CNTN4: variants seen among roughly 807,000 people sequenced by gnomAD.
The protein encoded by CNTN4 is contactin-4.
CNTN4 carries 77 observed loss-of-function variants against 122.5 expected under a neutral mutation model. The ratio of observed to expected loss-of-function variants is 0.63; its 90% CI spans 0.52 to 0.76. CNTN4 has a LOEUF of 0.76. CNTN4 is among the 30% of genes least tolerant of loss of function. The pLI, the probability that CNTN4 is intolerant of heterozygous loss-of-function variation, is 0.00. For missense variants in CNTN4, 1,256 were observed against 1,259.1 expected (o/e 1.00, Z 0.04); for synonymous variants, 512 against 447.0 (o/e 1.15, Z -1.83).
At chr3:2,344,773 C>CA (rs528649944) in intron 3 of CNTN4, among the ~76,000 whole-genome samples, 33 of 152,154 alleles carry the variant, frequency 2.2e-4, no homozygotes, top group African/African-American at 7.0e-4. Context: ...ACTGTGGTTC[C>CA]AGTTAGGAAA....
chr3:2,886,534 C>G (rs1349724363), intron 9 of CNTN4, among the ~76,000 whole-genome samples: 4 of 114,640 alleles, frequency 3.5e-5, no homozygotes, highest in Admixed American at 1.0e-4. Flanking sequence ...TTTTTTGAGA[C>G]AAAGTCTCGC....
At chr3:2,139,294 A>G (rs2034868133) in intron 2 of CNTN4, among the ~76,000 whole-genome samples, 1 of 152,228 alleles carries the variant, frequency 6.6e-6, no homozygotes, top group East Asian at 1.9e-4. Flanking sequence ...TACTAACGTA[A>G]TTTGAAAAAC....
chr3:3,034,495 C>A, intron 16 of CNTN4, 137 bp from the exon 17 acceptor site: 1 of 959,162 alleles, frequency 1.0e-6, no homozygotes, highest in Non-Finnish European at 1.6e-6. Flanking sequence ...AGTAGGAGTT[C>A]AAAAAGGATT....
chr3:3,023,122 A>C (rs546632270), intron 14 of CNTN4, among the ~76,000 whole-genome samples: 1 of 152,322 alleles, frequency 6.6e-6, no homozygotes, highest in African/African-American at 2.4e-5. Flanking sequence ...CAAGTAAAAA[A>C]CATCAAAATT....
At chr3:2,659,848 A>G (rs2083790335) in intron 4 of CNTN4, among the ~76,000 whole-genome samples, 2 of 152,202 alleles carry the variant, frequency 1.3e-5, no homozygotes, top group South Asian at 4.1e-4. Flanking sequence ...TTTGAGAGAC[A>G]TTTTAAACCC....
At chr3:3,038,723 A>T (rs922206506) in intron 18 of CNTN4, among the ~76,000 whole-genome samples, 30 of 152,124 alleles carry the variant, frequency 2.0e-4, no homozygotes, top group African/African-American at 7.2e-4. Flanking sequence ...GTTGAATGGG[A>T]AACAGGTAAT....
chr3:2,965,240 G>A (rs1046115983), intron 13 of CNTN4, among the ~76,000 whole-genome samples: 4 of 152,052 alleles, frequency 2.6e-5, no homozygotes, highest in East Asian at 1.9e-4. Flanking sequence ...CAAATTTCAC[G>A]CTATCCAATC....
intron 3 of CNTN4, among the ~76,000 whole-genome samples, chr3:2,367,700 G>C (rs983629028): frequency 6.6e-6 from 1 of 152,126 alleles, no homozygotes; most frequent in Non-Finnish European, 1.5e-5. Context: ...GACCAGGCTG[G>C]TCTCGAACTC....
intron 2 of CNTN4, among the ~76,000 whole-genome samples, chr3:2,233,625 G>T (rs1280430645): frequency 6.6e-6 from 1 of 151,994 alleles, no homozygotes; most frequent in South Asian, 2.1e-4. Flanking sequence ...CCGTTTTCTT[G>T]GTGCTAATTT....
chr3:2,978,703 G>A (rs1473410970), intron 13 of CNTN4, among the ~76,000 whole-genome samples: 1 of 152,116 alleles, frequency 6.6e-6, no homozygotes, highest in Non-Finnish European at 1.5e-5. Flanking sequence ...TGTGATGTAC[G>A]TGAGACCTTT....
intron 2 of CNTN4, among the ~76,000 whole-genome samples, chr3:2,182,485 A>C (rs1019032548): frequency 2.0e-5 from 3 of 152,238 alleles, no homozygotes; most frequent in Non-Finnish European, 4.4e-5. Flanking sequence ...TCATCTTTTC[A>C]TTAATAAATA....
intron 3 of CNTN4, among the ~76,000 whole-genome samples, chr3:2,556,260 A>G (rs1480222950): frequency 6.6e-6 from 1 of 152,232 alleles, no homozygotes; most frequent in Admixed American, 6.5e-5. Flanking sequence ...GACAACAGCA[A>G]TTAACCAAGA....
chr3:2,849,670 G>A (rs2093514470), intron 7 of CNTN4, among the ~76,000 whole-genome samples: 1 of 152,182 alleles, frequency 6.6e-6, no homozygotes, highest in Non-Finnish European at 1.5e-5. Flanking sequence ...ATACAATAAG[G>A]TTGGGATTGA....
chr3:2,170,251 C>G (rs946009655), intron 2 of CNTN4, among the ~76,000 whole-genome samples: 1 of 151,794 alleles, frequency 6.6e-6, no homozygotes, highest in Non-Finnish European at 1.5e-5. Flanking sequence ...ACCCGGGAGG[C>G]GGAGCTTGCA....
At chr3:2,767,382 C>G (rs2090908345) in intron 6 of CNTN4, among the ~76,000 whole-genome samples, 1 of 152,154 alleles carries the variant, frequency 6.6e-6, no homozygotes, top group Non-Finnish European at 1.5e-5. Flanking sequence ...ACAGCTCTCT[C>G]TCTCCTCTTA....
chr3:2,455,545 G>A (rs2048968161), intron 3 of CNTN4, among the ~76,000 whole-genome samples: 2 of 151,926 alleles, frequency 1.3e-5, no homozygotes, highest in South Asian at 4.2e-4. Flanking sequence ...TCTCTTCAGC[G>A]ATCCGTTTTA....
intron 13 of CNTN4, among the ~76,000 whole-genome samples, chr3:2,932,608 A>C (rs548001298): frequency 6.6e-6 from 1 of 152,198 alleles, no homozygotes; most frequent in South Asian, 2.1e-4. Flanking sequence ...TGAGGGAGGC[A>C]AGTCTTAATC....
chr3:2,908,681 G>A (rs2094264514), intron 12 of CNTN4, among the ~76,000 whole-genome samples: 1 of 152,104 alleles, frequency 6.6e-6, no homozygotes, highest in South Asian at 2.1e-4. Flanking sequence ...AGAAGTGGTG[G>A]GGGTCAAAAA....
At chr3:2,539,491 T>G (rs1420800373) in intron 3 of CNTN4, among the ~76,000 whole-genome samples, 2 of 152,116 alleles carry the variant, frequency 1.3e-5, no homozygotes, top group Non-Finnish European at 2.9e-5. Flanking sequence ...TCTCCACTTA[T>G]GATAATAATC....
Sources: allele counts gnomAD v4.1 joint callset (sites outside exome capture counted in the v4.1 genomes callset), GRCh38; gene constraint gnomAD v4.1.1; transcripts MANE v1.5; gene names NCBI Gene and HGNC (gene_info 2026-07-23, HGNC 2026-07-21).